Variants in DLG5 observed in about 807,000 individuals in gnomAD.
DLG5 encodes the protein discs large MAGUK scaffold protein 5, also known as disks large homolog 5.
In DLG5, 48 loss-of-function variants were observed where a neutral mutation model predicts 189.8. The observed-to-expected ratio is 0.25, with a 90% CI of 0.20 to 0.32. The LOEUF (loss-of-function observed/expected upper bound fraction) is 0.32, where lower values mean the gene tolerates loss of function less well. DLG5 is among the 10% of genes least tolerant of loss of function. DLG5 has a pLI of 1.00. For missense variants in DLG5, 2,160 were observed against 2,544.7 expected (o/e 0.85, Z 3.25); for synonymous variants, 1,016 against 1,054.1 (o/e 0.96, Z 0.70).
intron 21 of DLG5, 28 bp downstream of exon 21, chr10:77,812,187 G>T (rs374982958): frequency 6.2e-7 from 1 of 1,604,082 alleles, no homozygotes; most frequent in South Asian, 1.1e-5. Flanking sequence ...TTCCATGGGC[G>T]CCATGCAGGA....
At chr10:77,795,908 A>T (rs1396336268) in intron 29 of DLG5, among the ~76,000 whole-genome samples, 153 bp downstream of exon 29, 1 of 152,212 alleles carries the variant, frequency 6.6e-6, no homozygotes, top group Non-Finnish European at 1.5e-5. Flanking sequence ...CATGAGGGCA[A>T]GCCCAGGCAC....
Position 77,811,964 on chromosome 10 carries a change from T to C in DLG5, c.4282A>G (p.Asn1428Asp), listed in dbSNP as rs1287787357. The C allele has an allele frequency of 6.2e-7, 1 of 1,609,708 alleles. No individual in the cohort carries two copies. Among genetic ancestry groups the C allele is most frequent in the Admixed American group, 1.7e-5 (1 of 60,010 alleles). The change falls in exon 22 of 32, where the codon AAC becomes GAC. Residue 1428 changes from asparagine to aspartate, a missense_variant. Asn to Asp is a conservative substitution (Grantham distance 23). Around this residue, in one of 5 missense-constraint regions of DLG5, gnomAD observed 61 missense variants for 101.0 expected, o/e 0.60. Transcript: ENST00000372391. ...CTGCTGAGCTGGTGCACGTGGGGGT[T>C]GTACTGGGCCAGGATGGTGATGGTA... is the stretch of plus-strand genomic sequence containing the variant. ...CDTITILAQY[N>D]PHVHQLSSHS...
At chr10:77,797,064 G>A (rs1840962511) in intron 27 of DLG5, among the ~76,000 whole-genome samples, 1 of 152,198 alleles carries the variant, frequency 6.6e-6, no homozygotes, top group South Asian at 2.1e-4. Flanking sequence ...TGGCCATGCA[G>A]TTGAGGATAA....
Position 77,824,421 on chromosome 10 carries a change from C to T in DLG5, c.2345G>A (p.Arg782His), listed in dbSNP as rs146507058. 4,004 of 1,614,012 alleles carry T rather than the reference C, an allele frequency of 2.5e-3. 9 individuals carry two copies. The highest frequency in any genetic ancestry group is 2.5e-3 in the Non-Finnish European group (2,968 of 1,179,934). The part of the protein sequence containing the change: ...KSLNECESLL[R>H]SCQDSLTLSL... ...CAGGGTCAGGGAGTCCTGGCAGCTG[C>T]GCAGCAGAGATTCACATTCATTCAG... Residue 782 changes from arginine (R) to histidine (H), a missense_variant, in exon 14 of 32, where the codon CGC becomes CAC. Around this residue, in one of 5 missense-constraint regions of DLG5, gnomAD observed 107 missense variants for 214.5 expected, o/e 0.50. Coordinates refer to ENST00000372391, the MANE Select transcript of DLG5 (RefSeq NM_004747.4).
At chr10:77,811,368 G>A (rs2154575290) in intron 22 of DLG5, 134 bp from the exon 23 acceptor site, 3 of 1,133,876 alleles carry the variant, frequency 2.6e-6, no homozygotes, top group East Asian at 5.2e-5. Context: ...CCTGAGCAGA[G>A]CAGACACATT....
In DLG5 at chr10:77,917,058, C is replaced by G. The variant is rs748903457; in HGVS notation, c.304+9159G>C. On this transcript the variant is annotated intron_variant, in intron 1 of 31. Transcript: ENST00000372391. ...GTATTGACTTCACTTATAAAAGATA[C>G]CTAAAGTAGTCAAATTCCTAGAAAC... Among the ~76,000 whole-genome samples the G allele has an allele frequency of 2.0e-4, 30 of 151,750 alleles. 1 individual carries two copies. Among genetic ancestry groups the G allele is most frequent in the Non-Finnish European group, 4.1e-4 (28 of 67,974 alleles).
intron 1 of DLG5, among the ~76,000 whole-genome samples, chr10:77,921,909 T>C (rs1846546007): frequency 6.6e-6 from 1 of 152,114 alleles, no homozygotes; most frequent in Non-Finnish European, 1.5e-5. Context: ...CATTTCTGCC[T>C]CCCAATAGAG....
chr10:77,811,699 TCAGGGGGACCA>T (rs1364377052), intron 22 of DLG5, among the ~76,000 whole-genome samples: 2 of 152,072 alleles, frequency 1.3e-5, no homozygotes, highest in African/African-American at 2.4e-5. Flanking sequence ...CCCCTGCTGG[TCAGGGGGACCA>T]CAGCCATCTG....
the DLG5 span, among the ~76,000 whole-genome samples, chr10:77,935,774 C>A: frequency 1.3e-5 from 2 of 152,124 alleles, no homozygotes; most frequent in African/African-American, 2.4e-5. Context: ...AAACTGCACA[C>A]GTGTGAGTCT....
At chr10:77,873,016 T>TGC (rs1194484575) in intron 1 of DLG5, among the ~76,000 whole-genome samples, 3 of 119,028 alleles carry the variant, frequency 2.5e-5, no homozygotes, top group African/African-American at 1.1e-4. Flanking sequence ...CCTCCTGATG[T>TGC]GTGTGTGTGT....
chr10:77,843,990 G>T (rs918255473), intron 5 of DLG5, among the ~76,000 whole-genome samples: 1 of 152,192 alleles, frequency 6.6e-6, no homozygotes, highest in Non-Finnish European at 1.5e-5. Context: ...AGGCCTGCTT[G>T]CAAGGTTGAC....
At chr10:77,807,683 T>A in intron 25 of DLG5, 113 bp downstream of exon 25, 1 of 1,271,990 alleles carries the variant, frequency 7.9e-7, no homozygotes, top group Non-Finnish European at 1.1e-6. Context: ...ATGATGATCA[T>A]GGCCCCAGCC....
intron 1 of DLG5, among the ~76,000 whole-genome samples, chr10:77,879,491 G>C (rs1265583101): frequency 1.3e-5 from 2 of 151,922 alleles, no homozygotes; most frequent in Non-Finnish European, 2.9e-5. Flanking sequence ...ATGATTTGTT[G>C]AATGTTGTCC....
At chr10:77,815,925 G>A (rs1019894409) in intron 20 of DLG5, 7 of 363,886 alleles carry the variant, frequency 1.9e-5, no homozygotes, top group Non-Finnish European at 3.8e-5. Flanking sequence ...TTCCATGGAG[G>A]AGGTGCCTCT....
chr10:77,918,132 C>T (rs1846422589), intron 1 of DLG5, among the ~76,000 whole-genome samples: 1 of 146,726 alleles, frequency 6.8e-6, no homozygotes, highest in African/African-American at 2.5e-5. Context: ...GGTTCAAGGC[C>T]GGGTGCGGTG....
At chr10:77,899,455 T>C (rs1471504718) in intron 1 of DLG5, among the ~76,000 whole-genome samples, 2 of 152,208 alleles carry the variant, frequency 1.3e-5, no homozygotes, top group Admixed American at 6.5e-5. Flanking sequence ...TTACTCTCTC[T>C]ATGCCTCAGT....
At chr10:77,863,004 T>G (rs538196557) in intron 2 of DLG5, among the ~76,000 whole-genome samples, 3 of 152,312 alleles carry the variant, frequency 2.0e-5, no homozygotes, top group Non-Finnish European at 1.5e-5. Context: ...AATGGTTGCA[T>G]GACTATTTGT....
intron 9 of DLG5, among the ~76,000 whole-genome samples, chr10:77,831,869 T>A (rs2154575989): frequency 6.6e-6 from 1 of 152,360 alleles, no homozygotes; most frequent in East Asian, 1.9e-4. Flanking sequence ...GATGAAGATG[T>A]AGTTCTTAAC....
At chr10:77,827,420 T>C (rs1842690480) in intron 13 of DLG5, among the ~76,000 whole-genome samples, 1 of 152,154 alleles carries the variant, frequency 6.6e-6, no homozygotes, top group South Asian at 2.1e-4. Context: ...AAGACAGGGT[T>C]TCACCACGTT....
Sources: gnomAD v4.1 joint callset for allele counts (sites outside exome capture counted in the v4.1 genomes callset) on GRCh38, gnomAD v4.1.1 for gene constraint, gnomAD v4.1.1 regional missense constraint, MANE v1.5 for transcripts, NCBI Gene and HGNC (gene_info 2026-07-23, HGNC 2026-07-21) for gene names.